The following CACNA2D1 variants were observed in gnomAD, a reference collection of about 807,000 sequenced individuals.
The protein encoded by CACNA2D1 is calcium voltage-gated channel auxiliary subunit alpha2delta 1.
CACNA2D1 carries 53 observed loss-of-function variants against 171.5 expected under a neutral mutation model. That is an observed-to-expected ratio of 0.31 (90% CI 0.25 to 0.39). The LOEUF (loss-of-function observed/expected upper bound fraction) is 0.39, where lower values mean the gene tolerates loss of function less well. CACNA2D1 is among the 10% of genes least tolerant of loss of function. CACNA2D1 has a pLI of 1.00. For missense variants in CACNA2D1, 903 were observed against 1,299.8 expected, an observed-to-expected ratio of 0.69 and a Z score of 4.69; for synonymous variants, 442 against 443.1, an observed-to-expected ratio of 1.00 and a Z score of 0.03.
rs1270239997 is a variant in CACNA2D1 at position 82,185,824 on chromosome 7, T to G, written c.295-15215A>C. On this transcript the variant is annotated intron_variant, in intron 3 of 38. Transcript: ENST00000356860. ...ATGCATTCAAGAAACTAATTTATAC[T>G]AAAGAAAGGGAAAATACAGGCAAAC... Among the ~76,000 whole-genome samples, 3 of 151,852 alleles carry G rather than the reference T, an allele frequency of 2.0e-5. No individual in the cohort carries two copies. The East Asian group carries it at 5.8e-4, about 30-fold the overall frequency.
chr7:82,200,894 T>A (rs1799354133), intron 3 of CACNA2D1, among the ~76,000 whole-genome samples: 1 of 152,180 alleles, frequency 6.6e-6, no homozygotes, highest in Admixed American at 6.5e-5. Flanking sequence ...AGACAAGCAA[T>A]CTTATGACTG....
chr7:82,184,422 T>C (rs984126771), intron 3 of CACNA2D1, among the ~76,000 whole-genome samples: 4 of 152,128 alleles, frequency 2.6e-5, no homozygotes, highest in African/African-American at 9.7e-5. Context: ...CTAGAGAACA[T>C]GATTTTTTTA....
intron 3 of CACNA2D1, among the ~76,000 whole-genome samples, chr7:82,285,097 T>C (rs913005773): frequency 7.9e-5 from 12 of 152,012 alleles, no homozygotes; most frequent in Admixed American, 7.9e-4. Flanking sequence ...CCAGTGCTGC[T>C]TAATCACTGC....
At chr7:82,225,882 A>G (rs1802305386) in intron 3 of CACNA2D1, among the ~76,000 whole-genome samples, 1 of 152,202 alleles carries the variant, frequency 6.6e-6, no homozygotes, top group South Asian at 2.1e-4. Flanking sequence ...ATGTTTTTCA[A>G]TGCAAATGAA....
intron 1 of CACNA2D1, among the ~76,000 whole-genome samples, chr7:82,368,317 G>A (rs1049322819): frequency 6.6e-6 from 1 of 152,212 alleles, no homozygotes; most frequent in Non-Finnish European, 1.5e-5. Flanking sequence ...CAAACAAATT[G>A]TGTGGAAATA....
chr7:82,296,945 C>T (rs897829402), intron 3 of CACNA2D1, among the ~76,000 whole-genome samples: 2 of 151,628 alleles, frequency 1.3e-5, no homozygotes, highest in African/African-American at 2.4e-5. Flanking sequence ...TTAGTAAAAA[C>T]TCATATTGGC....
intron 3 of CACNA2D1, among the ~76,000 whole-genome samples, chr7:82,214,075 A>G (rs9692165): frequency 0.88 from 133,804 of 152,016 alleles, 59,065 homozygotes; most frequent in East Asian, 1. Flanking sequence ...CTTTTATAAG[A>G]TTACTAATCC....
intron 1 of CACNA2D1, among the ~76,000 whole-genome samples, chr7:82,384,121 C>T (rs1387121967): frequency 6.6e-6 from 1 of 152,132 alleles, no homozygotes; most frequent in East Asian, 1.9e-4. Flanking sequence ...CACATTTCAT[C>T]TGACTAAAAC....
chr7:82,101,685 A>G (rs1812695744), intron 6 of CACNA2D1, among the ~76,000 whole-genome samples: 1 of 152,194 alleles, frequency 6.6e-6, no homozygotes, highest in East Asian at 1.9e-4. Context: ...TGGTATTAGA[A>G]TATGATACAT....
At chr7:82,069,005 C>T (rs1224921270) in intron 7 of CACNA2D1, among the ~76,000 whole-genome samples, 1 of 152,098 alleles carries the variant, frequency 6.6e-6, no homozygotes, top group African/African-American at 2.4e-5. Flanking sequence ...TATTAATAAT[C>T]TTCTCTTAGA....
intron 10 of CACNA2D1, among the ~76,000 whole-genome samples, chr7:82,047,423 A>G (rs1228118399): frequency 2.0e-5 from 3 of 152,194 alleles, no homozygotes; most frequent in Non-Finnish European, 4.4e-5. Context: ...AAAATAAACT[A>G]AAACAGATGG....
chr7:82,112,292 C>T (rs1280986357), intron 6 of CACNA2D1, among the ~76,000 whole-genome samples: 1 of 152,074 alleles, frequency 6.6e-6, no homozygotes, highest in Non-Finnish European at 1.5e-5. Flanking sequence ...GTTGCTCTCA[C>T]GTCTTCTCAT....
intron 1 of CACNA2D1, among the ~76,000 whole-genome samples, chr7:82,367,047 C>A (rs1821818760): frequency 6.6e-6 from 1 of 151,320 alleles, no homozygotes; most frequent in African/African-American, 2.4e-5. Context: ...GCTGGGACTA[C>A]AGATATGTAC....
In CACNA2D1 at chr7:82,351,520, C is replaced by T. The variant is rs370038864; in HGVS notation, c.96-1871G>A. Among the ~76,000 whole-genome samples the T allele has an allele frequency of 7.2e-5, 11 of 152,016 alleles. No individual in the cohort carries two copies. The East Asian group carries it at 1.9e-3, about 27-fold the overall frequency. ...ATGGAATACATTAAAACTAGGAATA[C>T]TTTAGCACATATGAAAATAAGGAAG... is the stretch of plus-strand genomic sequence containing the variant. On this transcript the variant is annotated intron_variant, in intron 1 of 38. Coordinates refer to ENST00000356860, the MANE Select transcript of CACNA2D1 (RefSeq NM_000722.4).
chr7:82,232,861 C>CAAAAAAA lies in CACNA2D1; in HGVS notation c.295-62259_295-62253dup, dbSNP rs71093370. Among the ~76,000 whole-genome samples, 20 of 52,448 alleles carry CAAAAAAA rather than the reference C, an allele frequency of 3.8e-4. 2 individuals are homozygous for CAAAAAAA. The highest frequency in any genetic ancestry group is 1.1e-3 in the African/African-American group (16 of 15,198). 34.4% of individuals were successfully genotyped at this position (52,448 alleles called of 152,430 possible). On this transcript the variant is annotated intron_variant, in intron 3 of 38. Transcript: ENST00000356860. ...CCTGGGCAACAGAGCGAGATGTCTC[C>CAAAAAAA]AAAAAAAAAAAAAAAAAAAAAAAAA...
intron 1 of CACNA2D1, among the ~76,000 whole-genome samples, chr7:82,349,929 T>C (rs1162228026): frequency 6.6e-6 from 1 of 152,344 alleles, no homozygotes; most frequent in East Asian, 1.9e-4. Context: ...TTGCTTATTT[T>C]GAATTAAAAT....
At chr7:82,431,777 C>A (rs1280367163) in intron 1 of CACNA2D1, among the ~76,000 whole-genome samples, 1 of 119,672 alleles carries the variant, frequency 8.4e-6, no homozygotes. Flanking sequence ...CAGTGGCTCA[C>A]GCCTGTAACC....
At chr7:81,958,625 A>C (rs1793723916) in intron 38 of CACNA2D1, among the ~76,000 whole-genome samples, 1 of 152,086 alleles carries the variant, frequency 6.6e-6, no homozygotes, top group Non-Finnish European at 1.5e-5. Flanking sequence ...AGATAGCTGA[A>C]CTATAGGAAA....
intron 10 of CACNA2D1, among the ~76,000 whole-genome samples, chr7:82,051,890 G>A (rs144364720): frequency 1.3e-5 from 2 of 152,268 alleles, no homozygotes; most frequent in East Asian, 1.9e-4. Flanking sequence ...CATTATGCTT[G>A]CATTTCAGCT....
Sources: gnomAD v4.1 joint callset for allele counts (sites outside exome capture counted in the v4.1 genomes callset) on GRCh38, gnomAD v4.1.1 for gene constraint, MANE v1.5 for transcripts, NCBI Gene and HGNC (gene_info 2026-07-23, HGNC 2026-07-21) for gene names.